PGAP1: variants seen among roughly 807,000 people sequenced by gnomAD.
The protein encoded by PGAP1 is post-GPI attachment to proteins inositol deacylase 1, also known as GPI inositol-deacylase.
A neutral mutation model predicts 127.0 loss-of-function variants in PGAP1; 76 were observed. The ratio of observed to expected loss-of-function variants is 0.60; its 90% CI spans 0.50 to 0.72. The LOEUF (loss-of-function observed/expected upper bound fraction) is 0.72. Ranked by LOEUF, PGAP1 falls within the 30% of genes least tolerant of loss-of-function variation. The probability of loss-of-function intolerance (pLI) is 0.00; values close to 1 mark genes in which losing one functional copy is unlikely to be tolerated. For missense variants in PGAP1, 982 were observed against 1,071.3 expected, an observed-to-expected ratio of 0.92 and a Z score of 1.16; for synonymous variants, 362 against 366.5, an observed-to-expected ratio of 0.99 and a Z score of 0.14.
At chr2:196,899,760 G>A (rs1405665735) in intron 5 of PGAP1, among the ~76,000 whole-genome samples, 1 of 152,220 alleles carries the variant, frequency 6.6e-6, no homozygotes, top group African/African-American at 2.4e-5. Flanking sequence ...GAGATCGGGC[G>A]TAGTGGCTCA....
rs948682279 is a variant in PGAP1 at position 196,834,674 on chromosome 2, C to T, written c.*6560G>A. The T allele has an allele frequency of 5.3e-5, 8 of 151,702 alleles. No individual in the cohort carries two copies. The South Asian group carries it at 8.3e-4, about 16-fold the overall frequency. 9.4% of individuals were successfully genotyped at this position (151,702 alleles called of 1,614,324 possible). A position where few individuals can be genotyped will look rare whatever the true frequency, so the allele number is the denominator to read the frequency against. On this transcript the variant is annotated 3_prime_UTR_variant, in exon 27 of 27. Coordinates refer to ENST00000354764, the MANE Select transcript of PGAP1 (RefSeq NM_024989.4). ...TTCCTAATTTATATACAGTATAAAT[C>T]GGGAGTTTTTTTTCCACTGCACAGT...
chr2:196,913,143 G>A, intron 3 of PGAP1, 90 bp from the exon 4 acceptor site: 1 of 1,205,008 alleles, frequency 8.3e-7, no homozygotes, highest in Non-Finnish European at 1.2e-6. Context: ...CAATTTTATA[G>A]GAAAAAGAAA....
rs146189810 is a variant in PGAP1, at chr2:196,904,570, T to C, written c.650-1828A>G. On this transcript the variant is annotated intron_variant, in intron 4 of 26. Transcript: ENST00000354764. ...GGCCAACATGGTGAAACACTGTCTC[T>C]ACTAAAAATTAGCTGGGCGTGGTGG... Among the ~76,000 whole-genome samples the C allele has an allele frequency of 8.5e-4, 130 of 152,102 alleles. 1 individual carries two copies. The East Asian group carries it at 0.022, about 26-fold the overall frequency.
chr2:196,849,446 T>C (rs1700655488), intron 20 of PGAP1, among the ~76,000 whole-genome samples: 1 of 151,292 alleles, frequency 6.6e-6, no homozygotes, highest in African/African-American at 2.4e-5. Flanking sequence ...TTGTATTTTT[T>C]TTTTTTTTTA....
At chr2:196,849,521 G>A (rs542241040) in intron 20 of PGAP1, among the ~76,000 whole-genome samples, 10 of 151,102 alleles carry the variant, frequency 6.6e-5, no homozygotes, top group Admixed American at 4.6e-4. Flanking sequence ...TGATCCACCC[G>A]CCTCAGTCTC....
chr2:196,912,907 C>T lies in PGAP1; in HGVS notation c.624G>A (p.Val208=), dbSNP rs996124992. The T allele has an allele frequency of 9.3e-6, 15 of 1,611,450 alleles. No individual in the cohort carries two copies. The highest frequency in any genetic ancestry group is 5.0e-5 in the Admixed American group (3 of 59,588). Residue 208 remains valine, a synonymous_variant, in exon 4 of 27, where the codon GTG becomes GTA. Transcript: ENST00000354764. The part of the protein sequence containing the change: ...ITQATPHVAP[V]MPLDRFITDF... ...CTGTAATGAAACGATCTAATGGCAT[C>T]ACAGGAGCAACATGAGGTGTGGCTT... is the stretch of plus-strand genomic sequence containing the variant.
At chr2:196,907,071 C>A (rs1702745379) in intron 4 of PGAP1, among the ~76,000 whole-genome samples, 1 of 74,808 alleles carries the variant, frequency 1.3e-5, no homozygotes, top group Non-Finnish European at 2.5e-5. Flanking sequence ...GCAAGGCAGG[C>A]CAACGTTCAG....
intron 5 of PGAP1, among the ~76,000 whole-genome samples, chr2:196,902,058 CATCCAGGCTGAGG>C (rs1358818942): frequency 6.6e-6 from 1 of 152,122 alleles, no homozygotes; most frequent in African/African-American, 2.4e-5. Context: ...CTTGTTCTGT[CATCCAGGCTGAGG>C]TGCAGTGATA....
In PGAP1 at chr2:196,837,506, T is replaced by C. The variant is rs1249688469; in HGVS notation, c.*3728A>G. On this transcript the variant is annotated 3_prime_UTR_variant, in exon 27 of 27. Transcript: ENST00000354764. ...CAGGCACAGTGGCATGTACCTGTAG[T>C]CTCACCTGCTGTGGGAGGCTGAGAT... The C allele has an allele frequency of 1.3e-5, 2 of 152,078 alleles. No individual in the cohort carries two copies. The highest frequency in any genetic ancestry group is 4.1e-4 in the South Asian group (2 of 4,830). 9.4% of individuals were successfully genotyped at this position (152,078 alleles called of 1,614,324 possible). A position where few individuals can be genotyped will look rare whatever the true frequency, so the allele number is the denominator to read the frequency against.
intron 1 of PGAP1, among the ~76,000 whole-genome samples, chr2:196,925,091 C>T (rs1703319930): frequency 6.6e-6 from 1 of 151,072 alleles, no homozygotes; most frequent in African/African-American, 2.5e-5. Flanking sequence ...TGAACAGAGA[C>T]GACAGTAACA....
chr2:196,863,241 T>A (rs1250498871), intron 20 of PGAP1, among the ~76,000 whole-genome samples: 4 of 152,068 alleles, frequency 2.6e-5, no homozygotes, highest in Non-Finnish European at 5.9e-5. Context: ...AGAAAGGAAA[T>A]CAGTCTATCA....
intron 1 of PGAP1, among the ~76,000 whole-genome samples, chr2:196,921,180 CGTT>C (rs1703182242): frequency 1.0e-5 from 1 of 98,262 alleles, no homozygotes; most frequent in African/African-American, 3.1e-5. Context: ...TGAAAACCCT[CGTT>C]GTTCTAAAAA....
In PGAP1 at chr2:196,873,098, C is replaced by T. The variant is rs139457277; in HGVS notation, c.1553-72G>A. On this transcript the variant is annotated intron_variant, in intron 16 of 26. Coordinates refer to ENST00000354764, the MANE Select transcript of PGAP1 (RefSeq NM_024989.4). ...AATGTTACATAAACTACTATAATATCTAACTAATTATACAATTGTCCATTT... is the reference window on the plus strand; with the variant it reads ...AATGTTACATAAACTACTATAATATTTAACTAATTATACAATTGTCCATTT... 2.1e-3 allele frequency: 1,160 copies of T among 541,156 alleles called. 7 individuals are homozygous for T. The highest frequency in any genetic ancestry group is 0.021 in the African/African-American group (1,039 of 49,636). 33.5% of individuals were successfully genotyped at this position (541,156 alleles called of 1,614,324 possible).
chr2:196,839,110 C>A lies in PGAP1; in HGVS notation c.*2124G>T. 6.5e-6 allele frequency: 1 copy of A among 152,830 alleles called. No individual in the cohort carries two copies. The allele number at this position is 152,830 out of a possible 1,614,324, so 9.5% of individuals were successfully genotyped here. ...ACAAATGAGAAATTGAAGCTTGTTA[C>A]ATTCATGAACAGTACTAACTAAACA... is the stretch of plus-strand genomic sequence containing the variant. On this transcript the variant is annotated 3_prime_UTR_variant, in exon 27 of 27. Coordinates refer to ENST00000354764, the MANE Select transcript of PGAP1 (RefSeq NM_024989.4).
At chr2:196,892,950 C>A (rs1280537550) in intron 8 of PGAP1, among the ~76,000 whole-genome samples, 190 bp downstream of exon 8, 2 of 151,924 alleles carry the variant, frequency 1.3e-5, no homozygotes, top group Non-Finnish European at 2.9e-5. Flanking sequence ...CATGTTGCTT[C>A]TTTTTCCCTT....
chr2:196,922,452 T>C (rs942984565), intron 1 of PGAP1: 8 of 981,842 alleles, frequency 8.1e-6, no homozygotes, highest in South Asian at 4.7e-5. Context: ...AGAATAGTTA[T>C]AGGGGCTCCA....
chr2:196,885,352 A>C, intron 12 of PGAP1, 72 bp downstream of exon 12: 1 of 969,036 alleles, frequency 1.0e-6, no homozygotes, highest in Non-Finnish European at 1.6e-6. Context: ...AATGAAAGAG[A>C]ATATTTTAAA....
chr2:196,921,203 C>A (rs1305980852), intron 1 of PGAP1, among the ~76,000 whole-genome samples: 48 of 139,330 alleles, frequency 3.4e-4, no homozygotes, highest in Non-Finnish European at 4.9e-4. Context: ...AAAAAAAAAA[C>A]ACACACACAC....
intron 3 of PGAP1, among the ~76,000 whole-genome samples, chr2:196,913,385 T>C (rs1702898982): frequency 6.6e-6 from 1 of 152,196 alleles, no homozygotes; most frequent in African/African-American, 2.4e-5. Flanking sequence ...TATTAGGTTT[T>C]ACAAGACATA....
Sources: allele counts gnomAD v4.1 joint callset (sites outside exome capture counted in the v4.1 genomes callset), GRCh38; gene constraint gnomAD v4.1.1; transcripts MANE v1.5; gene names NCBI Gene and HGNC (gene_info 2026-07-23, HGNC 2026-07-21).